Variants in ANKS1B observed in about 807,000 individuals in gnomAD.
The protein encoded by ANKS1B is ankyrin repeat and sterile alpha motif domain-containing protein 1B.
ANKS1B carries 36 observed loss-of-function variants against 148.3 expected under a neutral mutation model. The observed-to-expected ratio is 0.24, with a 90% CI of 0.19 to 0.32. The LOEUF is 0.32. Ranked by LOEUF, ANKS1B falls within the 10% of genes least tolerant of loss-of-function variation. The pLI, the probability that ANKS1B is intolerant of heterozygous loss-of-function variation, is 1.00. For synonymous variants in ANKS1B, 542 were observed against 560.8 expected (o/e 0.97, Z 0.47); for missense variants, 1,157 against 1,542.6 (o/e 0.75, Z 4.19).
At chr12:99,652,502 A>C (rs2098426808) in intron 9 of ANKS1B, among the ~76,000 whole-genome samples, 1 of 152,030 alleles carries the variant, frequency 6.6e-6, no homozygotes, top group Non-Finnish European at 1.5e-5. Context: ...TAGTGAGAGA[A>C]ACATTAGTAA....
chr12:98,795,843 T>G (rs946634846), intron 22 of ANKS1B, among the ~76,000 whole-genome samples: 3 of 152,178 alleles, frequency 2.0e-5, no homozygotes, highest in African/African-American at 7.2e-5. Flanking sequence ...GGCAAGTGAC[T>G]TAACTTCTCT....
chr12:99,781,872 C>T, intron 5 of ANKS1B, 150 bp downstream of exon 5: 1 of 620,130 alleles, frequency 1.6e-6, no homozygotes, highest in Admixed American at 3.4e-5. Context: ...TACTGAAACT[C>T]AGTTCTACAT....
intron 2 of ANKS1B, 21 bp from the exon 3 acceptor site, chr12:99,812,332 A>T: frequency 6.2e-7 from 1 of 1,605,028 alleles, no homozygotes; most frequent in Non-Finnish European, 8.5e-7. Flanking sequence ...AAAAACAACA[A>T]CAACAAAATA....
At chr12:99,228,457 T>C in intron 14 of ANKS1B, among the ~76,000 whole-genome samples, 1 of 151,986 alleles carries the variant, frequency 6.6e-6, no homozygotes, top group Admixed American at 6.6e-5. Flanking sequence ...TATCTGTATG[T>C]GATTGAATGA....
At chr12:98,883,862 A>G (rs2099724842) in intron 17 of ANKS1B, among the ~76,000 whole-genome samples, 1 of 152,194 alleles carries the variant, frequency 6.6e-6, no homozygotes, top group Non-Finnish European at 1.5e-5. Flanking sequence ...TGTAATTATT[A>G]TTAGAAGTAT....
intron 12 of ANKS1B, among the ~76,000 whole-genome samples, chr12:99,317,789 T>C (rs573826218): frequency 2.0e-5 from 3 of 152,200 alleles, no homozygotes; most frequent in Non-Finnish European, 2.9e-5. Flanking sequence ...CAGTATGATA[T>C]TGGCTGTGGG....
At chr12:99,633,082 A>C (rs1368759089) in intron 9 of ANKS1B, among the ~76,000 whole-genome samples, 5 of 151,728 alleles carry the variant, frequency 3.3e-5, no homozygotes, top group Admixed American at 6.6e-5. Flanking sequence ...TACAAAGGAC[A>C]TGAACTCATC....
At chr12:99,578,809 A>G (rs1307412187) in intron 9 of ANKS1B, among the ~76,000 whole-genome samples, 7 of 152,204 alleles carry the variant, frequency 4.6e-5, no homozygotes, top group Non-Finnish European at 1.0e-4. Context: ...ATTCCTGTGA[A>G]ACTACCAACA....
rs575088465 is a variant in ANKS1B at position 99,134,973 on chromosome 12, C to T, written c.2526+19316G>A. Among the ~76,000 whole-genome samples the T allele has an allele frequency of 1.5e-4, 23 of 152,072 alleles. No homozygotes were observed. The South Asian group carries it at 4.2e-3, about 27-fold the overall frequency. The stretch of plus-strand genomic sequence containing the variant: ...AGTCATTAGAGGATAGCTTTTAGCA[C>T]GAGCGACAAAGATCAAATGGGAAAT... On this transcript the variant is annotated intron_variant, in intron 15 of 26. Coordinates refer to ENST00000683438, the MANE Select transcript of ANKS1B (RefSeq NM_001352186.2).
chr12:98,891,150 G>T (rs959199441), intron 17 of ANKS1B, among the ~76,000 whole-genome samples: 2 of 152,118 alleles, frequency 1.3e-5, no homozygotes, highest in Non-Finnish European at 2.9e-5. Flanking sequence ...ACACTATAAA[G>T]AATTTAGTAA....
chr12:99,831,104 A>G (rs1312748630), intron 1 of ANKS1B, among the ~76,000 whole-genome samples: 1 of 152,024 alleles, frequency 6.6e-6, no homozygotes, highest in East Asian at 1.9e-4. Context: ...GCTCCACCAC[A>G]CTATCTTTGG....
At chr12:98,772,736 C>T (rs1300617552) in intron 25 of ANKS1B, among the ~76,000 whole-genome samples, 1 of 152,110 alleles carries the variant, frequency 6.6e-6, no homozygotes, top group African/African-American at 2.4e-5. Context: ...GGTAGGGACA[C>T]AGCCAAACCA....
rs766053228 is a variant in ANKS1B at position 99,335,285 on chromosome 12, G to A, written c.1756+64346C>T. 1.3e-4 allele frequency among the ~76,000 whole-genome samples: 19 copies of A among 151,728 alleles called. No individual in the cohort carries two copies. In the East Asian group the frequency reaches 1.7e-3, roughly 14 times the overall value. ...AGATATTTTGATACAGGCATATAAT[G>A]TGTAATAATCACATCACAGTAAATG... On this transcript the variant is annotated intron_variant, in intron 12 of 26. Transcript: ENST00000683438.
intron 1 of ANKS1B, among the ~76,000 whole-genome samples, chr12:99,972,196 G>A (rs898735573): frequency 1.3e-5 from 2 of 152,170 alleles, no homozygotes; most frequent in East Asian, 3.9e-4. Context: ...ACCCTTCACT[G>A]ACCTATAAGT....
chr12:99,921,222 C>T (rs531813803), intron 1 of ANKS1B, among the ~76,000 whole-genome samples: 1 of 152,138 alleles, frequency 6.6e-6, no homozygotes, highest in Admixed American at 6.5e-5. Flanking sequence ...GGGTGGTTTC[C>T]CCCATGCTGT....
At chr12:99,977,841 A>G (rs1276114301) in intron 1 of ANKS1B, among the ~76,000 whole-genome samples, 1 of 152,204 alleles carries the variant, frequency 6.6e-6, no homozygotes, top group Non-Finnish European at 1.5e-5. Context: ...ATATTCTCCC[A>G]TATCAACATA....
intron 1 of ANKS1B, among the ~76,000 whole-genome samples, chr12:99,957,967 T>C (rs901121662): frequency 1.3e-5 from 2 of 152,176 alleles, no homozygotes; most frequent in Non-Finnish European, 2.9e-5. Context: ...AAGGAACTCA[T>C]TGTCTAGTGG....
chr12:99,105,153 T>C (rs1322136144), intron 15 of ANKS1B: 2 of 152,254 alleles, frequency 1.3e-5, no homozygotes, highest in African/African-American at 4.8e-5. Context: ...CTTTATGCTA[T>C]TAAATTCAGT....
At chr12:99,937,455 C>G (rs117818101) in intron 1 of ANKS1B, among the ~76,000 whole-genome samples, 95 of 152,258 alleles carry the variant, frequency 6.2e-4, no homozygotes, top group Admixed American at 2.7e-3. Context: ...GTTAGAAATA[C>G]CCACTTCTCC....
Sources: allele counts gnomAD v4.1 joint callset (sites outside exome capture counted in the v4.1 genomes callset), GRCh38; gene constraint gnomAD v4.1.1; transcripts MANE v1.5; gene names NCBI Gene and HGNC (gene_info 2026-07-23, HGNC 2026-07-21).